PDPK1: variants seen among roughly 807,000 people sequenced by gnomAD.
PDPK1 encodes 3-phosphoinositide-dependent protein kinase 1.
A neutral mutation model predicts 39.8 loss-of-function variants in PDPK1; 7 were observed. The ratio of observed to expected loss-of-function variants is 0.18; its 90% CI spans 0.10 to 0.33. PDPK1 has a LOEUF of 0.33. Among genes scored for constraint, PDPK1 ranks in the 10% least tolerant of loss-of-function variants. The pLI is 1.00. For missense variants in PDPK1, 182 were observed against 384.7 expected (o/e 0.47, Z 4.41); for synonymous variants, 118 against 159.1 (o/e 0.74, Z 1.95).
Position 2,597,639 on chromosome 16 carries a change from C to A in PDPK1, c.1555-12C>A. On this transcript the variant is annotated splice_polypyrimidine_tract_variant and intron_variant, in intron 13 of 13. Coordinates refer to ENST00000342085, the MANE Select transcript of PDPK1 (RefSeq NM_002613.5). The surrounding 1 kb of genome is among the most constrained non-coding windows in gnomAD (Gnocchi z 6.3). ...CTCCCTGGAGAACACTAAACGGCTT[C>A]TGTCTTCGCAGCCTAACAGGACGTA... The A allele has an allele frequency of 6.3e-7, 1 of 1,592,724 alleles. No individual in the cohort carries two copies. The highest frequency in any genetic ancestry group is 8.6e-7 in the Non-Finnish European group (1 of 1,160,700).
At chr16:2,592,848 A>G (rs1440562015) in intron 11 of PDPK1, 2 of 456,076 alleles carry the variant, frequency 4.4e-6, no homozygotes, top group African/African-American at 2.0e-5. Context: ...GGAATTGTCC[A>G]TTTCATTGTC....
intron 1 of PDPK1, among the ~76,000 whole-genome samples, chr16:2,546,306 A>G (rs2066345166): frequency 6.6e-6 from 1 of 150,430 alleles, no homozygotes; most frequent in East Asian, 1.9e-4. Context: ...CTAATCTTGA[A>G]CTCCTGACCT....
Position 2,597,731 on chromosome 16 carries a change from G to A in PDPK1, c.1635G>A (p.Gln545=). The change falls in exon 14 of 14, where the codon CAG becomes CAA. Residue 545 remains glutamine (Q), a synonymous_variant. Transcript: ENST00000342085. This position sits in a 1 kb window ranked among gnomAD's most constrained non-coding sequence, Gnocchi z 6.3. ...WCRKIQEVWR[Q]RYQSHPDAAV... ...GGAAGATCCAGGAGGTTTGGAGGCAGCGATACCAGAGCCACCCGGACGCCG... is the reference window on the plus strand; with the variant it reads ...GGAAGATCCAGGAGGTTTGGAGGCAACGATACCAGAGCCACCCGGACGCCG... 6.2e-7 allele frequency: 1 copy of A among 1,613,360 alleles called. No individual in the cohort carries two copies. Among genetic ancestry groups the A allele is most frequent in the African/African-American group, 1.3e-5 (1 of 75,042 alleles).
intron 1 of PDPK1, among the ~76,000 whole-genome samples, chr16:2,543,574 C>T (rs1031570921): frequency 2.0e-5 from 3 of 146,640 alleles, no homozygotes; most frequent in African/African-American, 7.7e-5. Flanking sequence ...GCCTGTGCGG[C>T]CCAGGTGGGT....
intron 1 of PDPK1, among the ~76,000 whole-genome samples, chr16:2,542,681 T>C (rs1476424677): frequency 6.6e-6 from 1 of 152,234 alleles, no homozygotes; most frequent in Non-Finnish European, 1.5e-5. Context: ...ACAGACAAGA[T>C]CAGATGCCCT....
chr16:2,590,788 T>A (rs1348712522), intron 11 of PDPK1, among the ~76,000 whole-genome samples: 1 of 152,202 alleles, frequency 6.6e-6, no homozygotes. Context: ...AGACTTTTTT[T>A]AGCTATGTTT....
Position 2,578,191 on chromosome 16 carries a change from G to A in PDPK1, c.785+691G>A, listed in dbSNP as rs1378694127. Among the ~76,000 whole-genome samples the A allele has an allele frequency of 1.2e-4, 18 of 146,502 alleles. 1 individual carries two copies. The highest frequency in any genetic ancestry group is 8.8e-4 in the Admixed American group (13 of 14,712). ...CACACACCAGCTGCAGTGGGACAGC[G>A]TCCCGCAGAGCGCAGGGAGGCCCTG... On this transcript the variant is annotated intron_variant, in intron 7 of 13. Transcript: ENST00000342085.
chr16:2,591,119 C>A (rs2066981890), intron 11 of PDPK1, among the ~76,000 whole-genome samples: 2 of 152,126 alleles, frequency 1.3e-5, no homozygotes, highest in South Asian at 4.1e-4. Flanking sequence ...TGTACCACCA[C>A]ACCCGGCTGA....
intron 1 of PDPK1, chr16:2,538,561 A>C: frequency 1.8e-6 from 2 of 1,140,622 alleles, no homozygotes; most frequent in Non-Finnish European, 2.3e-6. Flanking sequence ...CTGCGAGAGA[A>C]GCAGAAGGTG....
Position 2,540,589 on chromosome 16 carries a change from G to A in PDPK1, c.24+2453G>A, listed in dbSNP as rs144324074. Among the ~76,000 whole-genome samples, 17 of 152,276 alleles carry A rather than the reference G, an allele frequency of 1.1e-4. No individual in the cohort carries two copies. The East Asian group carries it at 3.3e-3, about 29-fold the overall frequency. ...TGCCCAGGATGTCTTCCCAGGGATT[G>A]GGCCTGAATGTCTTGACCATGCCGT... On this transcript the variant is annotated intron_variant, in intron 1 of 13. Coordinates refer to ENST00000342085, the MANE Select transcript of PDPK1 (RefSeq NM_002613.5).
intron 1 of PDPK1, among the ~76,000 whole-genome samples, chr16:2,545,336 C>G (rs77930305): frequency 6.8e-6 from 1 of 146,222 alleles, no homozygotes; most frequent in African/African-American, 2.5e-5. Flanking sequence ...CTTTCTCTCT[C>G]TTTTTTTTTT....
rs76291069 is a variant in PDPK1 at position 2,598,917 on chromosome 16, C to T, written c.*1150C>T. 24,077 of 233,254 alleles carry T rather than the reference C, an allele frequency of 0.1. 1,593 individuals are homozygous for T. The highest frequency in any genetic ancestry group is 0.15 in the Non-Finnish European group (17,131 of 118,024). 14.4% of individuals were successfully genotyped at this position (233,254 alleles called of 1,614,324 possible). A position where few individuals can be genotyped will look rare whatever the true frequency, so the allele number is the denominator to read the frequency against. On this transcript the variant is annotated 3_prime_UTR_variant, in exon 14 of 14. Transcript: ENST00000342085. ...CATCTGTGCATCAGAAATCTCACAG[C>T]CTTCTCATGCTGCCGGCTCATCTGG... is the stretch of plus-strand genomic sequence containing the variant.
chr16:2,544,794 T>C (rs556043074), intron 1 of PDPK1, among the ~76,000 whole-genome samples: 143 of 152,072 alleles, frequency 9.4e-4, no homozygotes, highest in African/African-American at 2.8e-3. Flanking sequence ...CCCTGTTAGC[T>C]AGGATGGAAT....
intron 1 of PDPK1, among the ~76,000 whole-genome samples, chr16:2,539,960 T>G (rs1393929475): frequency 1.3e-5 from 2 of 152,210 alleles, no homozygotes; most frequent in Admixed American, 1.3e-4. Context: ...TGGAATCCAG[T>G]GAGCAAGAAT....
intron 1 of PDPK1, among the ~76,000 whole-genome samples, chr16:2,556,286 G>T (rs1403465654): frequency 3.4e-5 from 5 of 147,832 alleles, no homozygotes; most frequent in African/African-American, 1.0e-4. Context: ...AGGTTTTGCT[G>T]TGTTTGCCCA....
At chr16:2,540,370 C>CT (rs2066222327) in intron 1 of PDPK1, among the ~76,000 whole-genome samples, 2 of 152,350 alleles carry the variant, frequency 1.3e-5, no homozygotes, top group African/African-American at 2.4e-5. Flanking sequence ...TCCCTAGGTA[C>CT]TTTCACACCT....
intron 11 of PDPK1, among the ~76,000 whole-genome samples, chr16:2,594,949 G>T (rs955241855): frequency 8.6e-5 from 13 of 152,006 alleles, no homozygotes; most frequent in African/African-American, 3.1e-4. Flanking sequence ...GTGAAACCCC[G>T]TCTCTACTAA....
chr16:2,539,903 T>C (rs2141931115), intron 1 of PDPK1, among the ~76,000 whole-genome samples: 1 of 152,326 alleles, frequency 6.6e-6, no homozygotes, highest in East Asian at 1.9e-4. Flanking sequence ...GGACATTTCA[T>C]ATCTGCAGTT....
chr16:2,586,373 A>G (rs1282846824), intron 10 of PDPK1, among the ~76,000 whole-genome samples: 1 of 152,198 alleles, frequency 6.6e-6, no homozygotes, highest in African/African-American at 2.4e-5. Context: ...CAGCACTGGC[A>G]TTCACGGGGC....
Sources: allele counts gnomAD v4.1 joint callset (sites outside exome capture counted in the v4.1 genomes callset), GRCh38; gene constraint gnomAD v4.1.1; non-coding constraint Gnocchi (gnomAD v3.1); transcripts MANE v1.5; gene names NCBI Gene and HGNC (gene_info 2026-07-23, HGNC 2026-07-21).